RMST: variants seen among roughly 807,000 people sequenced by gnomAD.
RMST encodes rhabdomyosarcoma 2 associated transcript, also known as long intergenic non-protein coding RNA 54.
intron 5 of RMST, among the ~76,000 whole-genome samples, chr12:97,480,918 C>T (rs1341298440): frequency 6.6e-6 from 1 of 152,142 alleles, no homozygotes; most frequent in Non-Finnish European, 1.5e-5. Flanking sequence ...TATCCTTAGC[C>T]TTATCAATAC....
intron 13 of RMST, among the ~76,000 whole-genome samples, chr12:97,561,262 C>T (rs1317089395): frequency 6.6e-6 from 1 of 152,146 alleles, no homozygotes; most frequent in African/African-American, 2.4e-5. Context: ...GGCGGAAAGG[C>T]TCTCCTCCGA....
chr12:97,501,822 A>G (rs2136480428), intron 10 of RMST, among the ~76,000 whole-genome samples: 1 of 152,338 alleles, frequency 6.6e-6, no homozygotes, highest in Non-Finnish European at 1.5e-5. Context: ...TGAGAGAACA[A>G]GCCTTAATAA....
At chr12:97,504,579 A>G (rs1219006019) in intron 10 of RMST, among the ~76,000 whole-genome samples, 1 of 152,158 alleles carries the variant, frequency 6.6e-6, no homozygotes, top group Non-Finnish European at 1.5e-5. Context: ...CTACATGTGT[A>G]AAGAGTATGA....
At chr12:97,508,294 A>G (rs1878913066) in intron 10 of RMST, among the ~76,000 whole-genome samples, 1 of 152,194 alleles carries the variant, frequency 6.6e-6, no homozygotes, top group Admixed American at 6.5e-5. Flanking sequence ...AGAAAAGAAA[A>G]GAAGAGAAAC....
intron 11 of RMST, among the ~76,000 whole-genome samples, chr12:97,534,837 G>A (rs1031822752): frequency 3.3e-5 from 5 of 151,602 alleles, no homozygotes; most frequent in African/African-American, 7.3e-5. Context: ...TAGCTGGAGC[G>A]TTTCTGTTTA....
At chr12:97,542,628 G>A (rs772390303) in intron 11 of RMST, among the ~76,000 whole-genome samples, 1 of 151,868 alleles carries the variant, frequency 6.6e-6, no homozygotes, top group Non-Finnish European at 1.5e-5. Flanking sequence ...CATAGAATAT[G>A]ATTTCCTATT....
intron 10 of RMST, among the ~76,000 whole-genome samples, chr12:97,502,176 T>C (rs1203287672): frequency 6.6e-6 from 1 of 152,186 alleles, no homozygotes; most frequent in Admixed American, 6.5e-5. Flanking sequence ...GAGACTTTCT[T>C]GGCCATTAAA....
chr12:97,511,241 T>C (rs57676332), intron 10 of RMST, among the ~76,000 whole-genome samples: 27,384 of 151,428 alleles, frequency 0.18, 4,837 homozygotes, highest in African/African-American at 0.45. Context: ...CTCCGTCTCC[T>C]GGGTTCAAGT....
At chr12:97,493,137 A>C (rs148480448) in intron 6 of RMST, 2 of 152,648 alleles carry the variant, frequency 1.3e-5, no homozygotes, top group Non-Finnish European at 2.9e-5. Flanking sequence ...TGCTTAATTC[A>C]TTCAGAAACT....
At chr12:97,546,184 G>A (rs1271623305) in intron 11 of RMST, among the ~76,000 whole-genome samples, 5 of 152,090 alleles carry the variant, frequency 3.3e-5, no homozygotes, top group East Asian at 1.9e-4. Flanking sequence ...TATCTGAGGT[G>A]CATTGCTATT....
chr12:97,554,294 A>T (rs1166219388), intron 11 of RMST, among the ~76,000 whole-genome samples: 1 of 152,140 alleles, frequency 6.6e-6, no homozygotes, highest in Non-Finnish European at 1.5e-5. Flanking sequence ...TTTTAATAGT[A>T]ATAATACTTC....
At chr12:97,493,977 C>T (rs1877134614) in exon 8 of RMST, 1 of 152,128 alleles carries the variant, frequency 6.6e-6, no homozygotes, top group Non-Finnish European at 1.5e-5. Flanking sequence ...CTGTTAGAGC[C>T]CTGTGCTGTT....
In RMST at chr12:97,557,312, G is replaced by GAAACATCCTCCTCCTCCTCGTTCTTC. The variant is rs1326915148; in HGVS notation, n.1546-3225_1546-3224insAAACATCCTCCTCCTCCTCGTTCTTC. ...TAAAGCTGTCTGTTTCTTGAGTGGA[G>GAAACATCCTCCTCCTCCTCGTTCTTC]TTGCAGTACACCTGAGAGGTTGTTA... On this transcript the variant is annotated intron_variant and non_coding_transcript_variant, in intron 11 of 13. Transcript: ENST00000640149. 1.1e-4 allele frequency among the ~76,000 whole-genome samples: 16 copies of GAAACATCCTCCTCCTCCTCGTTCTTC among 152,278 alleles called. No homozygotes were observed. The East Asian group carries it at 3.1e-3, about 29-fold the overall frequency.
At chr12:97,516,732 G>A (rs754780861) in intron 10 of RMST, among the ~76,000 whole-genome samples, 3 of 151,698 alleles carry the variant, frequency 2.0e-5, no homozygotes, top group South Asian at 2.1e-4. Flanking sequence ...ATTTATGTTA[G>A]TTTTGTGTTA....
At position 97,491,615 on chromosome 12, in the gene RMST, T is replaced by G. The variant is rs548142904; in HGVS notation, n.645-846T>G. 196 of 214,558 alleles carry G rather than the reference T, an allele frequency of 9.1e-4. 1 individual carries two copies. Among genetic ancestry groups the G allele is most frequent in the Middle Eastern group, 6.8e-3 (3 of 444 alleles). The allele number at this position is 214,558 out of a possible 1,614,324, so 13.3% of individuals were successfully genotyped here. A position where few individuals can be genotyped will look rare whatever the true frequency, so the allele number is the denominator to read the frequency against. On this transcript the variant is annotated intron_variant and non_coding_transcript_variant, in intron 5 of 13. Transcript: ENST00000640149. The stretch of plus-strand genomic sequence containing the variant: ...CCAGTTGGGAAGAGGTATTGCATTT[T>G]AAAATTGTGCCACCATTGTCTTGTT...
intron 5 of RMST, among the ~76,000 whole-genome samples, chr12:97,476,570 T>C (rs1005701698): frequency 1.3e-5 from 2 of 152,222 alleles, no homozygotes; most frequent in African/African-American, 4.8e-5. Flanking sequence ...AGAAATAGGC[T>C]TAGTGCTATC....
chr12:97,506,938 T>A (rs563608412), intron 10 of RMST, among the ~76,000 whole-genome samples: 1 of 152,130 alleles, frequency 6.6e-6, no homozygotes, highest in African/African-American at 2.4e-5. Flanking sequence ...TACCTCAGCC[T>A]CCCAAAGTGC....
chr12:97,506,189 G>A (rs1592698994), intron 10 of RMST, among the ~76,000 whole-genome samples: 1 of 140,716 alleles, frequency 7.1e-6, no homozygotes, highest in African/African-American at 3.1e-5. Flanking sequence ...GCGTTTATTA[G>A]CATCAAACTA....
rs139984326 is a variant in RMST, at chr12:97,511,275, A to T, written n.1340+15219A>T. ...GTGATTCTCTTGCCTCAGCCTCCCA[A>T]GTAGCTGGGACTACAGGCACGTGCC... On this transcript the variant is annotated intron_variant and non_coding_transcript_variant, in intron 10 of 13. Transcript: ENST00000640149. Among the ~76,000 whole-genome samples, 491 of 151,970 alleles carry T rather than the reference A, an allele frequency of 3.2e-3. 5 individuals carry two copies. Among genetic ancestry groups the T allele is most frequent in the Middle Eastern group, 6.8e-3 (2 of 294 alleles).
Sources: allele counts gnomAD v4.1 joint callset (sites outside exome capture counted in the v4.1 genomes callset), GRCh38; gene constraint gnomAD v4.1.1; transcripts MANE v1.5; gene names NCBI Gene and HGNC (gene_info 2026-07-23, HGNC 2026-07-21).